PAPPA2: variants seen among roughly 807,000 people sequenced by gnomAD.
PAPPA2 encodes pappalysin 2, also known as pappalysin-2.
PAPPA2 carries 86 observed loss-of-function variants against 176.4 expected under a neutral mutation model. The ratio of observed to expected loss-of-function variants is 0.49; its 90% CI spans 0.41 to 0.58. PAPPA2 has a LOEUF of 0.58. Among genes scored for constraint, PAPPA2 ranks in the 20% least tolerant of loss-of-function variants. PAPPA2 has a pLI of 0.00. For missense variants in PAPPA2, 2,073 were observed against 2,256.9 expected (o/e 0.92, Z 1.65); for synonymous variants, 809 against 852.2 (o/e 0.95, Z 0.88).
Position 176,666,890 on chromosome 1 carries a change from C to T in PAPPA2, c.1992-4080C>T, listed in dbSNP as rs148648764. ...AACAAATACATCTGAATAAGGGTGA[C>T]AATGAGAATGGATGAGCAAAGGGAA... On this transcript the variant is annotated intron_variant, in intron 3 of 22. Coordinates refer to ENST00000367662, the MANE Select transcript of PAPPA2 (RefSeq NM_020318.3). Among the ~76,000 whole-genome samples the T allele has an allele frequency of 3.0e-3, 453 of 152,070 alleles. 4 individuals are homozygous for T. Among genetic ancestry groups the T allele is most frequent in the African/African-American group, 0.011 (440 of 41,482 alleles).
At chr1:176,552,513 C>T (rs1651025367) in intron 1 of PAPPA2, among the ~76,000 whole-genome samples, 1 of 151,790 alleles carries the variant, frequency 6.6e-6, no homozygotes, top group Admixed American at 6.6e-5. Context: ...CTCCCTTTCC[C>T]TCTCCGTCCT....
intron 3 of PAPPA2, among the ~76,000 whole-genome samples, chr1:176,622,525 C>T (rs748591055): frequency 4.6e-5 from 7 of 152,182 alleles, no homozygotes; most frequent in African/African-American, 9.6e-5. Context: ...CTTAGAACAC[C>T]GACTGTGCCC....
intron 17 of PAPPA2, among the ~76,000 whole-genome samples, chr1:176,786,886 G>A (rs1664959560): frequency 6.6e-6 from 1 of 152,176 alleles, no homozygotes; most frequent in South Asian, 2.1e-4. Flanking sequence ...AGTATACATG[G>A]ACACAAAGAA....
chr1:176,466,286 T>C (rs927007469), intron 1 of PAPPA2, among the ~76,000 whole-genome samples: 3 of 152,206 alleles, frequency 2.0e-5, no homozygotes, highest in African/African-American at 7.2e-5. Flanking sequence ...TGTGGAAGGA[T>C]TCTTGTGCTA....
chr1:176,627,935 G>A (rs1335657311), intron 3 of PAPPA2, among the ~76,000 whole-genome samples: 1 of 152,180 alleles, frequency 6.6e-6, no homozygotes, highest in Non-Finnish European at 1.5e-5. Context: ...TTCAGGTTGT[G>A]AGGAGAAAGG....
At chr1:176,731,900 T>C (rs1426460481) in intron 12 of PAPPA2, among the ~76,000 whole-genome samples, 1 of 152,132 alleles carries the variant, frequency 6.6e-6, no homozygotes, top group Non-Finnish European at 1.5e-5. Flanking sequence ...TTAGTATGGG[T>C]ATCTCCATGC....
chr1:176,475,587 G>C (rs1652076953), intron 1 of PAPPA2, among the ~76,000 whole-genome samples: 1 of 152,086 alleles, frequency 6.6e-6, no homozygotes, highest in South Asian at 2.1e-4. Flanking sequence ...TCCAGGATGG[G>C]AACTGGAAAA....
chr1:176,717,405 T>G (rs376182809), intron 12 of PAPPA2, among the ~76,000 whole-genome samples: 4 of 152,204 alleles, frequency 2.6e-5, no homozygotes, highest in African/African-American at 9.6e-5. Flanking sequence ...TTCCGAAAAC[T>G]CCTTGCCCCT....
chr1:176,650,999 A>C (rs1290177671), intron 3 of PAPPA2, among the ~76,000 whole-genome samples: 1 of 151,744 alleles, frequency 6.6e-6, no homozygotes, highest in African/African-American at 2.4e-5. Flanking sequence ...AAACTTTTTA[A>C]AAGTTGGTAC....
intron 1 of PAPPA2, among the ~76,000 whole-genome samples, chr1:176,464,241 A>G (rs1266559609): frequency 1.3e-5 from 2 of 152,218 alleles, no homozygotes; most frequent in African/African-American, 4.8e-5. Context: ...TCTTTTAAAA[A>G]TTTAACCTCT....
chr1:176,756,197 C>T (rs563075138), intron 14 of PAPPA2, among the ~76,000 whole-genome samples: 3 of 152,186 alleles, frequency 2.0e-5, no homozygotes, highest in East Asian at 1.9e-4. Context: ...TCAAGTGATC[C>T]ACCCACCTCA....
chr1:176,548,108 T>A (rs1031869125), intron 1 of PAPPA2, among the ~76,000 whole-genome samples: 1 of 152,234 alleles, frequency 6.6e-6, no homozygotes, highest in Non-Finnish European at 1.5e-5. Flanking sequence ...TGAAATATTT[T>A]AATAGATAAT....
chr1:176,749,605 C>T (rs1663072285), intron 14 of PAPPA2, among the ~76,000 whole-genome samples: 1 of 152,186 alleles, frequency 6.6e-6, no homozygotes, highest in Non-Finnish European at 1.5e-5. Flanking sequence ...TATTCACCAC[C>T]ATACCCTACA....
At chr1:176,656,782 T>G (rs891952926) in intron 3 of PAPPA2, among the ~76,000 whole-genome samples, 2 of 143,660 alleles carry the variant, frequency 1.4e-5, no homozygotes, top group Non-Finnish European at 3.1e-5. Context: ...CTCTCTCTCT[T>G]TCACACACAC....
chr1:176,753,611 T>G (rs913220976), intron 14 of PAPPA2, among the ~76,000 whole-genome samples: 1 of 151,300 alleles, frequency 6.6e-6, no homozygotes, highest in African/African-American at 2.4e-5. Flanking sequence ...AAGCATTTAT[T>G]TTTTGACTCC....
In PAPPA2 at chr1:176,740,108, G is replaced by A. The variant is rs745970802; in HGVS notation, c.4063G>A (p.Val1355Met). ...FSSPRVGISA[V>M]ALRTSSRIGL... Reference sequence around the variant, plus strand: ...ATCCCCACGGGTCGGCATCTCAGCTGTGGCTCTAAGGACATCCTCCCGCAT... The same window carrying A: ...ATCCCCACGGGTCGGCATCTCAGCTATGGCTCTAAGGACATCCTCCCGCAT... Residue 1355 changes from valine (V) to methionine (M), a missense_variant, in exon 14 of 23, where the codon GTG becomes ATG. Around this residue, in one of 4 missense-constraint regions of PAPPA2, gnomAD observed 846 missense variants for 857.9 expected, o/e 0.99. Transcript: ENST00000367662. 2 of 1,613,830 alleles carry A rather than the reference G, an allele frequency of 1.2e-6. No homozygotes were observed. Among genetic ancestry groups the A allele is most frequent in the Admixed American group, 1.7e-5 (1 of 59,956 alleles).
intron 9 of PAPPA2, among the ~76,000 whole-genome samples, chr1:176,703,566 G>A (rs1660754489): frequency 6.6e-6 from 1 of 152,146 alleles, no homozygotes; most frequent in Non-Finnish European, 1.5e-5. Context: ...AATAAGATGG[G>A]TTATTTTTAT....
chr1:176,569,874 C>A (rs531571628), intron 2 of PAPPA2, among the ~76,000 whole-genome samples: 1 of 152,206 alleles, frequency 6.6e-6, no homozygotes, highest in Admixed American at 6.5e-5. Flanking sequence ...AGTTTAAATT[C>A]CCCTCAGTAG....
At chr1:176,695,048 G>T (rs925080424) in intron 6 of PAPPA2, among the ~76,000 whole-genome samples, 2 of 152,190 alleles carry the variant, frequency 1.3e-5, no homozygotes, top group Non-Finnish European at 2.9e-5. Flanking sequence ...AAACAGAGAA[G>T]CTTGGAAAGG....
Sources: gnomAD v4.1 joint callset for allele counts (sites outside exome capture counted in the v4.1 genomes callset) on GRCh38, gnomAD v4.1.1 for gene constraint, gnomAD v4.1.1 regional missense constraint, MANE v1.5 for transcripts, NCBI Gene and HGNC (gene_info 2026-07-23, HGNC 2026-07-21) for gene names.